Variants in SERPINB12 observed in about 807,000 individuals in gnomAD.
The protein encoded by SERPINB12 is serpin B12.
SERPINB12 carries 57 observed loss-of-function variants against 41.1 expected under a neutral mutation model. That is an observed-to-expected ratio of 1.39 (90% CI 1.12 to 1.73). The LOEUF (loss-of-function observed/expected upper bound fraction) is 1.73, where lower values mean the gene tolerates loss of function less well. SERPINB12 is among the 40% of genes most tolerant of loss of function. The pLI is 0.00. For missense variants in SERPINB12, 536 were observed against 501.9 expected, an observed-to-expected ratio of 1.07 and a Z score of -0.65; for synonymous variants, 180 against 181.3, an observed-to-expected ratio of 0.99 and a Z score of 0.06.
the SERPINB12 span, among the ~76,000 whole-genome samples, chr18:63,535,826 A>G: frequency 6.6e-6 from 1 of 152,156 alleles, no homozygotes; most frequent in African/African-American, 2.4e-5. Context: ...AGTAGTTCTG[A>G]ATACATATAT....
At chr18:63,557,890 A>G (rs1264755290) in intron 2 of SERPINB12, among the ~76,000 whole-genome samples, 1 of 152,260 alleles carries the variant, frequency 6.6e-6, no homozygotes, top group Non-Finnish European at 1.5e-5. Context: ...TTGCAAAAGT[A>G]AAAAGAAACA....
At chr18:63,524,655 T>C in the SERPINB12 span, among the ~76,000 whole-genome samples, 1 of 152,132 alleles carries the variant, frequency 6.6e-6, no homozygotes, top group East Asian at 1.9e-4. Flanking sequence ...TTCTACAACA[T>C]GCTTGGACCT....
the SERPINB12 span, among the ~76,000 whole-genome samples, chr18:63,528,881 A>G: frequency 6.6e-6 from 1 of 152,196 alleles, no homozygotes; most frequent in Non-Finnish European, 1.5e-5. Context: ...GCAGTCTTAT[A>G]CCAAAAGAGA....
At chr18:63,541,842 T>C (rs190911253), upstream of SERPINB12, among the ~76,000 whole-genome samples, 1 of 152,152 alleles carries the variant, frequency 6.6e-6, no homozygotes, top group Admixed American at 6.5e-5. Context: ...GAAGAAAAAA[T>C]AACTGGTGAG....
At chr18:63,534,915 A>G in the SERPINB12 span, among the ~76,000 whole-genome samples, 4 of 152,222 alleles carry the variant, frequency 2.6e-5, no homozygotes, top group East Asian at 1.9e-4. Context: ...TGCAGACCAC[A>G]GGCACGTATG....
the SERPINB12 span, among the ~76,000 whole-genome samples, chr18:63,534,470 A>G: frequency 3.9e-5 from 6 of 152,150 alleles, no homozygotes; most frequent in Non-Finnish European, 5.9e-5. Context: ...TACTCATACA[A>G]TTGTTTTATG....
At chr18:63,562,489 C>T (rs1910945828) in intron 5 of SERPINB12, among the ~76,000 whole-genome samples, 1 of 152,130 alleles carries the variant, frequency 6.6e-6, no homozygotes, top group Non-Finnish European at 1.5e-5. Flanking sequence ...TTAGGCTGTC[C>T]TTGGTACCAG....
chr18:63,539,850 T>C (rs1425325886), upstream of SERPINB12, among the ~76,000 whole-genome samples: 1 of 152,152 alleles, frequency 6.6e-6, no homozygotes, highest in Non-Finnish European at 1.5e-5. Context: ...ACAAAATAAA[T>C]TAAGTTTTTG....
chr18:63,565,336 TG>T, intron 6 of SERPINB12, 108 bp from the exon 7 acceptor site: 1 of 1,026,370 alleles, frequency 9.7e-7, no homozygotes, highest in East Asian at 2.5e-5. Flanking sequence ...GGACTTCTCC[TG>T]CAGAACCTTC....
At chr18:63,536,202 GAAA>G in the SERPINB12 span, among the ~76,000 whole-genome samples, 1 of 151,472 alleles carries the variant, frequency 6.6e-6, no homozygotes, top group Non-Finnish European at 1.5e-5. Flanking sequence ...AATTCATAAA[GAAA>G]AAGACAGACT....
the SERPINB12 span, among the ~76,000 whole-genome samples, chr18:63,523,732 C>G: frequency 6.6e-6 from 1 of 152,124 alleles, no homozygotes; most frequent in South Asian, 2.1e-4. Flanking sequence ...ATTTCAGCAT[C>G]AGGTCACAGC....
At chr18:63,535,978 A>G in the SERPINB12 span, among the ~76,000 whole-genome samples, 6 of 152,084 alleles carry the variant, frequency 3.9e-5, no homozygotes, top group Non-Finnish European at 7.4e-5. Context: ...ATATGTGTGT[A>G]TATATATTTT....
chr18:63,525,726 A>G, the SERPINB12 span, among the ~76,000 whole-genome samples: 2 of 152,194 alleles, frequency 1.3e-5, no homozygotes, highest in African/African-American at 4.8e-5. Context: ...TAGATTACTT[A>G]TGAAAACTGC....
At chr18:63,559,009 T>TC (rs1910784046) in intron 3 of SERPINB12, among the ~76,000 whole-genome samples, 1 of 54,862 alleles carries the variant, frequency 1.8e-5, no homozygotes, top group Non-Finnish European at 4.8e-5. Flanking sequence ...CTTCCTTCTT[T>TC]CTTTCTTTCT....
chr18:63,551,161 C>A lies in SERPINB12; in HGVS notation c.-18-4981C>A, dbSNP rs548933809. Among the ~76,000 whole-genome samples the A allele has an allele frequency of 7.3e-5, 11 of 151,596 alleles. No individual in the cohort carries two copies. In the East Asian group the frequency reaches 2.0e-3, roughly 27 times the overall value. On this transcript the variant is annotated intron_variant, in intron 1 of 7. Coordinates refer to ENST00000382768, the MANE Select transcript of SERPINB12 (RefSeq NM_001307928.2). ...GTGGGCGCCTGTAGTCCCAGCTACT[C>A]GGGAGGCTGAGACAGGAGAATGGCA...
chr18:63,535,252 A>G, the SERPINB12 span, among the ~76,000 whole-genome samples: 2 of 152,188 alleles, frequency 1.3e-5, no homozygotes, highest in African/African-American at 4.8e-5. Context: ...CCTCCTTCGT[A>G]TTTATCCAAT....
intron 1 of SERPINB12, among the ~76,000 whole-genome samples, chr18:63,544,528 G>A (rs781498203): frequency 9.9e-5 from 15 of 152,088 alleles, no homozygotes; most frequent in Non-Finnish European, 1.9e-4. Flanking sequence ...CCCAGGGCCT[G>A]CTTCTTCTGA....
chr18:63,535,991 C>T, the SERPINB12 span, among the ~76,000 whole-genome samples: 6 of 151,830 alleles, frequency 4.0e-5, no homozygotes, highest in South Asian at 1.3e-3. Flanking sequence ...TATATTTTCT[C>T]TCTATGTAAA....
At chr18:63,562,169 T>A (rs1300842519) in intron 5 of SERPINB12, among the ~76,000 whole-genome samples, 1 of 152,140 alleles carries the variant, frequency 6.6e-6, no homozygotes, top group Non-Finnish European at 1.5e-5. Flanking sequence ...GTGCTGATCT[T>A]CTAGGTGGGG....
Sources: gnomAD v4.1 joint callset for allele counts (sites outside exome capture counted in the v4.1 genomes callset) on GRCh38, gnomAD v4.1.1 for gene constraint, MANE v1.5 for transcripts, NCBI Gene and HGNC (gene_info 2026-07-23, HGNC 2026-07-21) for gene names.